RBFOX1: variants seen among roughly 807,000 people sequenced by gnomAD.
The protein encoded by RBFOX1 is RNA binding protein fox-1 homolog 1.
In RBFOX1, 8 loss-of-function variants were observed where a neutral mutation model predicts 57.7. The observed-to-expected ratio is 0.14, with a 90% CI of 0.08 to 0.25. RBFOX1 has a LOEUF of 0.25. RBFOX1 is among the 10% of genes least tolerant of loss of function. The pLI, the probability that RBFOX1 is intolerant of heterozygous loss-of-function variation, is 1.00. For synonymous variants in RBFOX1, 326 were observed against 222.4 expected (o/e 1.47, Z -4.15); for missense variants, 611 against 548.5 (o/e 1.11, Z -1.14).
chr16:7,505,258 A>T (rs77048267), intron 4 of RBFOX1, among the ~76,000 whole-genome samples: 10 of 151,300 alleles, frequency 6.6e-5, no homozygotes, highest in Non-Finnish European at 1.5e-4. Flanking sequence ...AAAAAAAAAA[A>T]GGAAACCAGA....
intron 2 of RBFOX1, among the ~76,000 whole-genome samples, chr16:6,592,644 A>G (rs2097727710): frequency 6.6e-6 from 1 of 152,144 alleles, no homozygotes; most frequent in Non-Finnish European, 1.5e-5. Flanking sequence ...TTCTGCTACT[A>G]AGTAATGGAA....
chr16:6,987,899 A>G (rs570592922), intron 3 of RBFOX1, among the ~76,000 whole-genome samples: 1 of 152,200 alleles, frequency 6.6e-6, no homozygotes, highest in Non-Finnish European at 1.5e-5. Flanking sequence ...CGGGTCAGAA[A>G]TGAAATGTTT....
intron 3 of RBFOX1, among the ~76,000 whole-genome samples, chr16:5,788,063 A>G (rs2151723279): frequency 6.6e-6 from 1 of 152,242 alleles, no homozygotes; most frequent in South Asian, 2.1e-4. Context: ...ATTGACTTGT[A>G]GGGGTGTTGA....
intron 1 of RBFOX1, among the ~76,000 whole-genome samples, chr16:6,160,993 T>C (rs7193037): frequency 0.017 from 2,544 of 152,312 alleles, 69 homozygotes; most frequent in African/African-American, 0.058. Flanking sequence ...CTACCGACAA[T>C]GGAATGCGAG....
At chr16:5,526,445 T>C (rs1157394093) in intron 2 of RBFOX1, among the ~76,000 whole-genome samples, 1 of 152,110 alleles carries the variant, frequency 6.6e-6, no homozygotes, top group African/African-American at 2.4e-5. Flanking sequence ...TGTGCCACCA[T>C]GTCCGGCTAA....
chr16:7,328,037 A>G (rs1008020670), intron 4 of RBFOX1, among the ~76,000 whole-genome samples: 2 of 152,076 alleles, frequency 1.3e-5, no homozygotes, highest in Non-Finnish European at 2.9e-5. Flanking sequence ...TTGAGAGGCT[A>G]CCACTCAGAA....
intron 4 of RBFOX1, among the ~76,000 whole-genome samples, chr16:7,249,601 T>TA (rs202035763): frequency 0.27 from 39,319 of 146,762 alleles, 5,511 homozygotes; most frequent in African/African-American, 0.38. Context: ...CTTCTTTCTT[T>TA]AAAAAAAAAA....
At chr16:7,200,896 T>A (rs954223393) in intron 4 of RBFOX1, among the ~76,000 whole-genome samples, 1 of 152,160 alleles carries the variant, frequency 6.6e-6, no homozygotes, top group African/African-American at 2.4e-5. Flanking sequence ...GAATCTATGT[T>A]CTAAGGATAA....
chr16:7,225,849 C>T (rs2093066368), intron 4 of RBFOX1, among the ~76,000 whole-genome samples: 1 of 147,236 alleles, frequency 6.8e-6, no homozygotes. Flanking sequence ...CATATGTATA[C>T]ATATGTAACA....
chr16:5,581,472 A>G (rs1295953988), intron 2 of RBFOX1, among the ~76,000 whole-genome samples: 1 of 152,224 alleles, frequency 6.6e-6, no homozygotes, highest in African/African-American at 2.4e-5. Context: ...TCAGTGGTGG[A>G]GGCAGACATC....
intron 4 of RBFOX1, among the ~76,000 whole-genome samples, chr16:6,004,963 G>C (rs1023531304): frequency 6.6e-6 from 1 of 151,916 alleles, no homozygotes; most frequent in African/African-American, 2.4e-5. Flanking sequence ...ATCGGATGAG[G>C]GAAAGGGTCA....
At chr16:6,490,879 A>T (rs904260275) in intron 2 of RBFOX1, among the ~76,000 whole-genome samples, 3 of 152,200 alleles carry the variant, frequency 2.0e-5, no homozygotes, top group African/African-American at 7.2e-5. Flanking sequence ...CTGATGTTGG[A>T]TCCATTACTG....
intron 4 of RBFOX1, among the ~76,000 whole-genome samples, chr16:7,324,647 A>C (rs551776403): frequency 1.3e-5 from 2 of 152,356 alleles, no homozygotes; most frequent in African/African-American, 4.8e-5. Context: ...GAATCAGGTC[A>C]GGAAGCGCTT....
At chr16:6,835,096 G>C (rs1346630925) in intron 3 of RBFOX1, among the ~76,000 whole-genome samples, 1 of 151,824 alleles carries the variant, frequency 6.6e-6, no homozygotes, top group African/African-American at 2.4e-5. Context: ...GGTTAGCCAG[G>C]ATGTTAGTGT....
rs918136844 is a variant in RBFOX1 at position 5,747,322 on chromosome 16, C to G, written c.319-119981C>G. Among the ~76,000 whole-genome samples the G allele has an allele frequency of 5.3e-5, 8 of 152,166 alleles. No individual in the cohort carries two copies. The East Asian group carries it at 1.5e-3, about 29-fold the overall frequency. ...TGAGGATTTTTACATCAATGTTCAT[C>G]AGGGATATTGGTCTGAAATTCTCTG... On this transcript the variant is annotated intron_variant, in intron 3 of 19. Transcript: ENST00000641259.
chr16:7,609,007 C>A (rs771272932), intron 10 of RBFOX1, among the ~76,000 whole-genome samples: 1 of 152,088 alleles, frequency 6.6e-6, no homozygotes, highest in Non-Finnish European at 1.5e-5. Context: ...TCAGGGGACA[C>A]ACAGAACATG....
intron 3 of RBFOX1, among the ~76,000 whole-genome samples, chr16:5,724,565 A>G (rs17138442): frequency 0.017 from 2,514 of 152,256 alleles, 83 homozygotes; most frequent in African/African-American, 0.057. Context: ...TCTTCCCTCA[A>G]GCATAATCCT....
At chr16:7,396,316 A>G (rs1426914444) in intron 4 of RBFOX1, among the ~76,000 whole-genome samples, 3 of 152,182 alleles carry the variant, frequency 2.0e-5, no homozygotes, top group East Asian at 3.9e-4. Context: ...CCCCTGAGCA[A>G]CAGTGTAAAC....
chr16:6,984,157 C>A (rs138302996), intron 3 of RBFOX1, among the ~76,000 whole-genome samples: 16 of 152,190 alleles, frequency 1.1e-4, no homozygotes, highest in Admixed American at 9.8e-4. Context: ...TGAGGCAGGA[C>A]AATTGCTTGA....
Sources: gnomAD v4.1 joint callset for allele counts (sites outside exome capture counted in the v4.1 genomes callset) on GRCh38, gnomAD v4.1.1 for gene constraint, MANE v1.5 for transcripts, NCBI Gene and HGNC (gene_info 2026-07-23, HGNC 2026-07-21) for gene names.